The following RPS19 variants were observed in gnomAD, a reference collection of about 807,000 sequenced individuals.
RPS19 encodes small ribosomal subunit protein eS19.
In RPS19, 1 loss-of-function variant was observed where a neutral mutation model predicts 20.3. The observed-to-expected ratio is 0.05, with a 90% CI of 0.02 to 0.23. RPS19 has a LOEUF of 0.23. Ranked by LOEUF, RPS19 falls within the 10% of genes least tolerant of loss-of-function variation. RPS19 has a pLI of 1.00. For synonymous variants in RPS19, 87 were observed against 74.8 expected (o/e 1.16, Z -0.84); for missense variants, 111 against 192.7 (o/e 0.58, Z 2.51).
intron 3 of RPS19, among the ~76,000 whole-genome samples, chr19:41,865,606 C>T (rs782060885): frequency 2.0e-5 from 3 of 152,120 alleles, no homozygotes; most frequent in Non-Finnish European, 4.4e-5. Context: ...GGTGTACAGC[C>T]GCTTTGGGCA....
At chr19:41,860,618 C>A in intron 1 of RPS19, 157 bp from the exon 2 acceptor site, 2 of 753,672 alleles carry the variant, frequency 2.7e-6, no homozygotes, top group South Asian at 1.4e-5. Context: ...TCCTTCAGAC[C>A]CGCAGGAGCC....
intron 3 of RPS19, chr19:41,864,550 C>T (rs1555840026): frequency 6.6e-6 from 1 of 152,244 alleles, no homozygotes; most frequent in Non-Finnish European, 1.5e-5. Flanking sequence ...GTTGGTCTGC[C>T]CCGTGCTCAG....
chr19:41,868,982 C>A, intron 3 of RPS19, 49 bp from the exon 4 acceptor site: 1 of 1,574,386 alleles, frequency 6.4e-7, no homozygotes, highest in South Asian at 1.1e-5. Flanking sequence ...AATTGTTTAC[C>A]TGAGACCTTG....
At chr19:41,861,531 C>T in intron 3 of RPS19, 1 of 385,588 alleles carries the variant, frequency 2.6e-6, no homozygotes. Context: ...GGTTTGGATC[C>T]ATCTTTTACA....
At chr19:41,860,442 C>T (rs1176283127) in intron 1 of RPS19, 153 bp downstream of exon 1, 12 of 345,458 alleles carry the variant, frequency 3.5e-5, no homozygotes, top group Non-Finnish European at 6.5e-5. Flanking sequence ...CCCGGACATG[C>T]CCGGTCAGCG....
At position 41,861,095 on chromosome 19, in the gene RPS19, C is replaced by T. The variant is rs150151184; in HGVS notation, c.72-17C>T. On this transcript the variant is annotated splice_polypyrimidine_tract_variant and intron_variant, in intron 2 of 5. Coordinates refer to ENST00000598742, the MANE Select transcript of RPS19 (RefSeq NM_001022.4). Reference sequence around the variant, plus strand: ...GGAGATGACTGAATCGTGCTTTTCCCACTGTTTTGGTCTTAGGTCCGGGAA... The same window carrying T: ...GGAGATGACTGAATCGTGCTTTTCCTACTGTTTTGGTCTTAGGTCCGGGAA... 1 of 1,602,484 alleles carries T rather than the reference C, an allele frequency of 6.2e-7. No homozygotes were observed. Among genetic ancestry groups the T allele is most frequent in the African/African-American group, 1.3e-5 (1 of 74,780 alleles).
rs367620211 is a variant in RPS19, at chr19:41,866,507, G to A, written c.173-2524G>A. ...GAGTCTGTCTATTGGTCCTGGTTATGGGCACTTATTACCAGGCAGTGGCGT... is the reference window on the plus strand; with the variant it reads ...GAGTCTGTCTATTGGTCCTGGTTATAGGCACTTATTACCAGGCAGTGGCGT... On this transcript the variant is annotated intron_variant, in intron 3 of 5. Transcript: ENST00000598742. 4.6e-5 allele frequency among the ~76,000 whole-genome samples: 7 copies of A among 152,276 alleles called. 1 individual carries two copies. Among genetic ancestry groups the A allele is most frequent in the African/African-American group, 1.7e-4 (7 of 41,546 alleles).
Position 41,872,445 on chromosome 19 carries a change from C to T in RPS19, c.*1068C>T, listed in dbSNP as rs1224794281. On this transcript the variant is annotated 3_prime_UTR_variant, in exon 6 of 6. Transcript: ENST00000598742. ...AATCACAACTCTGCCCCTAATCCCACGTAACCCTGTGCACCTTATCCTCTG... is the reference window on the plus strand; with the variant it reads ...AATCACAACTCTGCCCCTAATCCCATGTAACCCTGTGCACCTTATCCTCTG... 6.6e-6 allele frequency: 1 copy of T among 152,296 alleles called. No homozygotes were observed. Among genetic ancestry groups the T allele is most frequent in the East Asian group, 1.9e-4 (1 of 5,204 alleles). The allele number at this position is 152,296 out of a possible 1,614,324, so 9.4% of individuals were successfully genotyped here.
At chr19:41,865,659 A>G (rs549352820) in intron 3 of RPS19, among the ~76,000 whole-genome samples, 1 of 152,220 alleles carries the variant, frequency 6.6e-6, no homozygotes, top group African/African-American at 2.4e-5. Flanking sequence ...AAAAAGCAAG[A>G]TAACAGAGGC....
Position 41,861,121 on chromosome 19 carries a change from G to A in RPS19, c.81G>A (p.Lys27=), listed in dbSNP as rs148009117. ...ALAAFLKKSG[K]LKVPEWVDTV... ...ACTGTTTTGGTCTTAGGTCCGGGAA[G>A]CTGAAAGTCCCCGAATGGGTGGATA... The change falls in exon 3 of 6, where the codon AAG becomes AAA. Residue 27 remains lysine (K), a synonymous_variant. Transcript: ENST00000598742. The A allele has an allele frequency of 2.5e-6, 4 of 1,613,772 alleles. 1 individual carries two copies. In the African/African-American group the frequency reaches 5.3e-5, roughly 22 times the overall value.
rs369353222 is a variant in RPS19, at chr19:41,869,382, CCT to C, written c.356+173_356+174del. Among the ~76,000 whole-genome samples, 939 of 152,330 alleles carry C rather than the reference CCT, an allele frequency of 6.2e-3. 11 individuals carry two copies. The highest frequency in any genetic ancestry group is 0.017 in the African/African-American group (709 of 41,580). On this transcript the variant is annotated intron_variant, in intron 4 of 5. Coordinates refer to ENST00000598742, the MANE Select transcript of RPS19 (RefSeq NM_001022.4). ...CAAACAGCACGGGGCCTCACCCCGA[CCT>C]CTCTGGCTGACTAGCCCAGGCTCCA...
Position 41,869,088 on chromosome 19 carries a change from A to G in RPS19, c.230A>G (p.Lys77Arg), listed in dbSNP as rs1555841319. The G allele has an allele frequency of 1.9e-6, 3 of 1,613,658 alleles. No individual in the cohort carries two copies. Among genetic ancestry groups the G allele is most frequent in the African/African-American group, 2.7e-5 (2 of 74,898 alleles). ...RGGAGVGSMT[K>R]IYGGRQRNGV... ...GGCGCTGGGGTTGGCTCCATGACCA[A>G]GATCTATGGGGGACGTCAGAGAAAC... is the stretch of plus-strand genomic sequence containing the variant. Residue 77 changes from lysine (K) to arginine (R), a missense_variant, in exon 4 of 6, where the codon AAG becomes AGG. Lys to Arg is a conservative substitution (Grantham distance 26, BLOSUM62 2). Transcript: ENST00000598742.
chr19:41,869,875 G>T, intron 5 of RPS19, 122 bp downstream of exon 5: 1 of 1,037,074 alleles, frequency 9.6e-7, no homozygotes, highest in South Asian at 1.3e-5. Flanking sequence ...GGTGCTGGTG[G>T]GGTCAGAGGA....
At chr19:41,868,461 C>T (rs1298787113) in intron 3 of RPS19, among the ~76,000 whole-genome samples, 1 of 152,186 alleles carries the variant, frequency 6.6e-6, no homozygotes, top group African/African-American at 2.4e-5. Context: ...AGCGTGCAAG[C>T]GTTTCTGGGG....
Position 41,862,364 on chromosome 19 carries a change from G to A in RPS19, c.172+1152G>A, listed in dbSNP as rs1358366941. 3.3e-5 allele frequency among the ~76,000 whole-genome samples: 5 copies of A among 152,114 alleles called. No individual in the cohort carries two copies. The East Asian group carries it at 7.7e-4, about 23-fold the overall frequency. ...AAAGATGAACTTGCTGAGGTGGGTC[G>A]GGTTGCTGGCATACCACCTACCCAC... On this transcript the variant is annotated intron_variant, in intron 3 of 5. Coordinates refer to ENST00000598742, the MANE Select transcript of RPS19 (RefSeq NM_001022.4).
In RPS19 at chr19:41,869,694, C is replaced by G. The variant is rs782129469; in HGVS notation, c.357-5C>G. On this transcript the variant is annotated splice_polypyrimidine_tract_variant and splice_region_variant and intron_variant, in intron 4 of 5. Coordinates refer to ENST00000598742, the MANE Select transcript of RPS19 (RefSeq NM_001022.4). ...GGGGCCTGCATGACCCTTCCCTCCCCACAGCGGCCGCAAACTGACACCTCA... is the reference window on the plus strand; with the variant it reads ...GGGGCCTGCATGACCCTTCCCTCCCGACAGCGGCCGCAAACTGACACCTCA... 1 of 1,613,944 alleles carries G rather than the reference C, an allele frequency of 6.2e-7. No homozygotes were observed. Among genetic ancestry groups the G allele is most frequent in the South Asian group, 1.1e-5 (1 of 91,076 alleles).
chr19:41,866,504 T>G (rs1309078340), intron 3 of RPS19, among the ~76,000 whole-genome samples: 1 of 152,068 alleles, frequency 6.6e-6, no homozygotes, highest in Non-Finnish European at 1.5e-5. Flanking sequence ...TGGTCCTGGT[T>G]ATGGGCACTT....
At chr19:41,865,012 T>A (rs149649923) in intron 3 of RPS19, 25 of 152,300 alleles carry the variant, frequency 1.6e-4, no homozygotes, top group African/African-American at 5.8e-4. Context: ...TAGCATGAAC[T>A]GGGATAGCAA....
At chr19:41,870,849 CTTTTTTTTTTTTTT>C (rs35987051) in intron 5 of RPS19, among the ~76,000 whole-genome samples, 13 of 43,964 alleles carry the variant, frequency 3.0e-4, no homozygotes, top group African/African-American at 1.0e-3. Context: ...CACTCCCTTC[CTTTTTTTTTTTTTT>C]TTTTTTTTTT....
Sources: gnomAD v4.1 joint callset for allele counts (sites outside exome capture counted in the v4.1 genomes callset) on GRCh38, gnomAD v4.1.1 for gene constraint, MANE v1.5 for transcripts, NCBI Gene and HGNC (gene_info 2026-07-23, HGNC 2026-07-21) for gene names.